The following RBPMS2 variants were observed in gnomAD, a reference collection of about 807,000 sequenced individuals.
The protein encoded by RBPMS2 is RNA-binding protein with multiple splicing 2.
A neutral mutation model predicts 25.7 loss-of-function variants in RBPMS2; 14 were observed. The observed-to-expected ratio is 0.55, with a 90% confidence interval of 0.36 to 0.85. RBPMS2 has a LOEUF of 0.85. Ranked by LOEUF, RBPMS2 falls within the 40% of genes least tolerant of loss-of-function variation. RBPMS2 has a pLI of 0.01. For synonymous variants in RBPMS2, 127 were observed against 115.6 expected, an observed-to-expected ratio of 1.10 and a Z score of -0.63; for missense variants, 252 against 283.4, an observed-to-expected ratio of 0.89 and a Z score of 0.80.
intron 1 of RBPMS2, among the ~76,000 whole-genome samples, chr15:64,752,946 G>C (rs1371301582): frequency 6.6e-6 from 1 of 152,050 alleles, no homozygotes; most frequent in Non-Finnish European, 1.5e-5. Context: ...CCCCAACATG[G>C]TTACAAGCCA....
chr15:64,748,572 A>G lies in RBPMS2; in HGVS notation c.419-5T>C, dbSNP rs753997163. The G allele has an allele frequency of 2.6e-6, 4 of 1,534,980 alleles. No homozygotes were observed. The highest frequency in any genetic ancestry group is 2.3e-5 in the East Asian group (1 of 43,084). ...GAGCAGCCCCCATCAGGTCATCTAC[A>G]ACAGGAGACAATGGCCTCCATCATC... is the stretch of plus-strand genomic sequence containing the variant. On this transcript the variant is annotated splice_region_variant and splice_polypyrimidine_tract_variant and intron_variant, in intron 5 of 7. Coordinates refer to ENST00000300069, the MANE Select transcript of RBPMS2 (RefSeq NM_194272.3).
Position 64,775,219 on chromosome 15 carries a change from G to T in RBPMS2, c.87+14C>A. The T allele has an allele frequency of 8.0e-7, 1 of 1,247,598 alleles. No individual in the cohort carries two copies. The highest frequency in any genetic ancestry group is 1.0e-6 in the Non-Finnish European group (1 of 993,260). The allele number at this position is 1,247,598 out of a possible 1,614,324, so 77.3% of individuals were successfully genotyped here. On this transcript the variant is annotated intron_variant, in intron 1 of 7. Transcript: ENST00000300069. ...GTGCGCTTCACCCGGCAAGTCCCGGGGCCACAGACCCACCTCCTCCTCCAG... is the reference window on the plus strand; with the variant it reads ...GTGCGCTTCACCCGGCAAGTCCCGGTGCCACAGACCCACCTCCTCCTCCAG...
chr15:64,743,484 G>A (rs914080523), intron 6 of RBPMS2, among the ~76,000 whole-genome samples: 6 of 152,214 alleles, frequency 3.9e-5, no homozygotes, highest in South Asian at 2.1e-4. Flanking sequence ...CGCTTCCTCC[G>A]GGTGCCTGGC....
chr15:64,749,286 C>T (rs987140821), intron 4 of RBPMS2, 136 bp from the exon 5 acceptor site: 3 of 1,319,920 alleles, frequency 2.3e-6, no homozygotes, highest in Admixed American at 1.8e-5. Flanking sequence ...AGAGGAAAGG[C>T]AGCTCAGGCC....
intron 1 of RBPMS2, among the ~76,000 whole-genome samples, chr15:64,760,495 G>T (rs1433079926): frequency 6.6e-6 from 1 of 152,110 alleles, no homozygotes; most frequent in Admixed American, 6.5e-5. Context: ...TTTAAGTTTG[G>T]AGGACAAATC....
chr15:64,746,464 A>G (rs952564973), intron 6 of RBPMS2, among the ~76,000 whole-genome samples: 1 of 152,232 alleles, frequency 6.6e-6, no homozygotes, highest in Admixed American at 6.5e-5. Context: ...ACACCTATCA[A>G]GTAGGCATTA....
At chr15:64,761,596 T>C (rs1448155040) in intron 1 of RBPMS2, among the ~76,000 whole-genome samples, 1 of 151,214 alleles carries the variant, frequency 6.6e-6, no homozygotes, top group Non-Finnish European at 1.5e-5. Context: ...TGGAGTGCAG[T>C]GGCGCAAACA....
chr15:64,761,495 C>G (rs1405884341), intron 1 of RBPMS2, among the ~76,000 whole-genome samples: 1 of 152,242 alleles, frequency 6.6e-6, no homozygotes, highest in Non-Finnish European at 1.5e-5. Context: ...CTCACACCAA[C>G]CCACTCAGAC....
In RBPMS2 at chr15:64,740,248, C is replaced by T. The variant is rs1360673860; in HGVS notation, c.*760G>A. On this transcript the variant is annotated 3_prime_UTR_variant, in exon 8 of 8. Coordinates refer to ENST00000300069, the MANE Select transcript of RBPMS2 (RefSeq NM_194272.3). Reference sequence around the variant, plus strand: ...TTTATGATGCATAAATATTTTGTTACACAGGGTACAAAAATACTTCTCACG... The same window carrying T: ...TTTATGATGCATAAATATTTTGTTATACAGGGTACAAAAATACTTCTCACG... 1 of 152,164 alleles carries T rather than the reference C, an allele frequency of 6.6e-6. No homozygotes were observed. Among genetic ancestry groups the T allele is most frequent in the African/African-American group, 2.4e-5 (1 of 41,398 alleles). 9.4% of individuals were successfully genotyped at this position (152,164 alleles called of 1,614,324 possible). A position where few individuals can be genotyped will look rare whatever the true frequency, so the allele number is the denominator to read the frequency against.
chr15:64,758,942 T>A (rs1414954457), intron 1 of RBPMS2, among the ~76,000 whole-genome samples: 3 of 152,212 alleles, frequency 2.0e-5, no homozygotes, highest in Non-Finnish European at 4.4e-5. Context: ...AATTAAAAAT[T>A]AAACTTTTAT....
intron 6 of RBPMS2, 80 bp downstream of exon 6, chr15:64,748,339 G>A (rs187205269): frequency 1.4e-5 from 20 of 1,436,310 alleles, no homozygotes; most frequent in Middle Eastern, 2.4e-4. Flanking sequence ...GGACAGCAGC[G>A]GCCAAGTGGC....
intron 6 of RBPMS2, among the ~76,000 whole-genome samples, chr15:64,744,798 G>GTTGTTTTTTT (rs2083601378): frequency 6.5e-5 from 3 of 46,296 alleles, no homozygotes; most frequent in African/African-American, 2.2e-4. Flanking sequence ...GGTTTGTTTT[G>GTTGTTTTTTT]TTTTTTTTTT....
intron 1 of RBPMS2, among the ~76,000 whole-genome samples, chr15:64,774,242 C>T (rs1242507149): frequency 6.6e-6 from 1 of 152,190 alleles, no homozygotes; most frequent in Admixed American, 6.5e-5. Flanking sequence ...GTTTCCTGGG[C>T]GAGAACATGC....
chr15:64,762,504 G>A (rs780646654), intron 1 of RBPMS2: 8 of 534,744 alleles, frequency 1.5e-5, no homozygotes, highest in Admixed American at 1.4e-4. Context: ...ATCGCACCCA[G>A]ATCTGATCTG....
At chr15:64,765,038 A>T (rs912723363) in intron 1 of RBPMS2, among the ~76,000 whole-genome samples, 3 of 151,518 alleles carry the variant, frequency 2.0e-5, no homozygotes, top group African/African-American at 7.3e-5. Flanking sequence ...CAGCCTGGCC[A>T]ACATGGTGAA....
chr15:64,768,186 ATAAG>A (rs1380743900), intron 1 of RBPMS2, among the ~76,000 whole-genome samples: 4 of 152,218 alleles, frequency 2.6e-5, no homozygotes, highest in Non-Finnish European at 5.9e-5. Flanking sequence ...GGTACAGGAA[ATAAG>A]TAAGTGTGCC....
At chr15:64,768,821 C>A (rs1343356200) in intron 1 of RBPMS2, among the ~76,000 whole-genome samples, 2 of 148,974 alleles carry the variant, frequency 1.3e-5, no homozygotes, top group Non-Finnish European at 3.0e-5. Flanking sequence ...GAATTTAAGG[C>A]CGGGCGCCGT....
At chr15:64,751,267 C>A (rs984617988) in intron 2 of RBPMS2, among the ~76,000 whole-genome samples, 5 of 147,764 alleles carry the variant, frequency 3.4e-5, no homozygotes, top group African/African-American at 1.2e-4. Flanking sequence ...CAGGAGGCAG[C>A]GGTTGCAGTG....
chr15:64,773,243 A>G (rs981571731), intron 1 of RBPMS2, among the ~76,000 whole-genome samples: 7 of 152,224 alleles, frequency 4.6e-5, no homozygotes, highest in African/African-American at 1.4e-4. Flanking sequence ...TTCCAGTTCC[A>G]GCCTACACCA....
Sources: allele counts gnomAD v4.1 joint callset (sites outside exome capture counted in the v4.1 genomes callset), GRCh38; gene constraint gnomAD v4.1.1; transcripts MANE v1.5; gene names NCBI Gene and HGNC (gene_info 2026-07-23, HGNC 2026-07-21).